Variants in LMX1B observed in about 807,000 individuals in gnomAD.
The protein encoded by LMX1B is LIM homeobox transcription factor 1 beta, also known as LIM homeobox transcription factor 1-beta.
LMX1B carries 12 observed loss-of-function variants against 51.4 expected under a neutral mutation model. The observed-to-expected ratio is 0.23, with a 90% CI of 0.15 to 0.38. The LOEUF is 0.38. Among genes scored for constraint, LMX1B ranks in the 10% least tolerant of loss-of-function variants. The pLI, the probability that LMX1B is intolerant of heterozygous loss-of-function variation, is 1.00. For synonymous variants in LMX1B, 237 were observed against 235.4 expected, an observed-to-expected ratio of 1.01 and a Z score of -0.06; for missense variants, 445 against 571.1, an observed-to-expected ratio of 0.78 and a Z score of 2.25.
chr9:126,641,099 T>C lies in LMX1B; in HGVS notation c.326+25530T>C, dbSNP rs1231257072. On this transcript the variant is annotated intron_variant, in intron 2 of 7. Transcript: ENST00000373474. This position sits in a 1 kb window ranked among gnomAD's most constrained non-coding sequence, Gnocchi z 4.1. ...TTTCTCCACGAGGCACAGAGCTGAG[T>C]AGGCAACCTGGCACGGGGGCATGTG... 6.6e-6 allele frequency: 1 copy of C among 152,188 alleles called. No individual in the cohort carries two copies. Among genetic ancestry groups the C allele is most frequent in the Admixed American group, 6.5e-5 (1 of 15,284 alleles). 9.4% of individuals were successfully genotyped at this position (152,188 alleles called of 1,614,324 possible). A position where few individuals can be genotyped will look rare whatever the true frequency, so the allele number is the denominator to read the frequency against.
intron 2 of LMX1B, among the ~76,000 whole-genome samples, chr9:126,649,997 A>G (rs1835970584): frequency 6.6e-6 from 1 of 152,236 alleles, no homozygotes; most frequent in East Asian, 1.9e-4. Flanking sequence ...CTGCTTGCGA[A>G]GCTTGGCACC....
chr9:126,619,631 C>T (rs1835372090), intron 2 of LMX1B, among the ~76,000 whole-genome samples: 1 of 152,236 alleles, frequency 6.6e-6, no homozygotes, highest in Non-Finnish European at 1.5e-5. Context: ...CCCTCTGGCC[C>T]TTTGGAGGGT....
chr9:126,634,005 C>T (rs1270913733), intron 2 of LMX1B, among the ~76,000 whole-genome samples: 1 of 151,826 alleles, frequency 6.6e-6, no homozygotes, highest in East Asian at 1.9e-4. Flanking sequence ...TTTGATGCCT[C>T]GGGGATACAC....
At chr9:126,630,892 C>T (rs1004555461) in intron 2 of LMX1B, among the ~76,000 whole-genome samples, 1 of 152,258 alleles carries the variant, frequency 6.6e-6, no homozygotes, top group African/African-American at 2.4e-5. Context: ...TTCCTGGCTC[C>T]GGGCTGCCGG....
At chr9:126,617,075 A>G (rs1034799720) in intron 2 of LMX1B, among the ~76,000 whole-genome samples, 3 of 152,332 alleles carry the variant, frequency 2.0e-5, no homozygotes, top group African/African-American at 7.2e-5. Flanking sequence ...ATATGATTCT[A>G]GTTCCGGGAG....
intron 2 of LMX1B, among the ~76,000 whole-genome samples, chr9:126,654,503 C>G (rs1836076916): frequency 2.0e-5 from 3 of 152,214 alleles, no homozygotes; most frequent in South Asian, 4.1e-4. Context: ...GTGGTAGGTA[C>G]CAGGTTGGCC....
At chr9:126,679,782 C>T (rs1836639258) in intron 2 of LMX1B, among the ~76,000 whole-genome samples, 2 of 152,166 alleles carry the variant, frequency 1.3e-5, no homozygotes, top group South Asian at 4.1e-4. Context: ...TTTTCAACTT[C>T]TCCCTCCCAG....
intron 2 of LMX1B, among the ~76,000 whole-genome samples, chr9:126,676,195 T>G (rs1266764250): frequency 6.6e-6 from 1 of 152,196 alleles, no homozygotes; most frequent in Non-Finnish European, 1.5e-5. Flanking sequence ...TTGATTCTCC[T>G]TGTTTCTCAG....
Position 126,695,700 on chromosome 9 carries a change from C to A in LMX1B, c.887-139C>A. The A allele has an allele frequency of 1.1e-6, 1 of 894,574 alleles. No individual in the cohort carries two copies. The highest frequency in any genetic ancestry group is 1.6e-5 in the South Asian group (1 of 61,768). 55.4% of individuals were successfully genotyped at this position (894,574 alleles called of 1,614,324 possible). ...CTGGAGTGTGCACCTGGGGAAGGGG[C>A]TGGGGAGTCAGTGTCTGGACAGCTT... On this transcript the variant is annotated intron_variant, in intron 6 of 7. Transcript: ENST00000373474. The surrounding 1 kb of genome is among the most constrained non-coding windows in gnomAD (Gnocchi z 5.2).
intron 2 of LMX1B, among the ~76,000 whole-genome samples, chr9:126,646,305 C>T (rs1835899000): frequency 6.6e-6 from 1 of 152,080 alleles, no homozygotes; most frequent in Non-Finnish European, 1.5e-5. Context: ...CCTACTCATC[C>T]AGCCACCTAC....
intron 2 of LMX1B, among the ~76,000 whole-genome samples, chr9:126,632,126 G>A (rs1245376910): frequency 6.6e-6 from 1 of 152,182 alleles, no homozygotes; most frequent in East Asian, 1.9e-4. Flanking sequence ...CAAGCAAAAT[G>A]CACGTAAAGA....
Position 126,614,526 on chromosome 9 carries a change from A to G in LMX1B, c.77A>G (p.Asp26Gly). The G allele has an allele frequency of 6.2e-7, 1 of 1,605,834 alleles. No homozygotes were observed. Residue 26 changes from aspartate (D) to glycine (G), a missense_variant, in exon 1 of 8, where the codon GAC becomes GGC. Around this residue, in one of 3 missense-constraint regions of LMX1B, gnomAD observed 273 missense variants for 343.3 expected, o/e 0.80. Coordinates refer to ENST00000373474, the MANE Select transcript of LMX1B (RefSeq NM_001174147.2). The part of the protein sequence containing the change: ...RGQTDCAKML[D>G]GIKMEEHALR... Reference sequence around the variant, plus strand: ...CAGACGGACTGCGCCAAGATGTTGGACGGCATCAAGATGGAGGAGCACGCC... The same window carrying G: ...CAGACGGACTGCGCCAAGATGTTGGGCGGCATCAAGATGGAGGAGCACGCC...
Position 126,677,132 on chromosome 9 carries a change from C to A in LMX1B, c.327-13704C>A, listed in dbSNP as rs553245784. On this transcript the variant is annotated intron_variant, in intron 2 of 7. Coordinates refer to ENST00000373474, the MANE Select transcript of LMX1B (RefSeq NM_001174147.2). This position sits in a 1 kb window ranked among gnomAD's most constrained non-coding sequence, Gnocchi z 5.0. Reference sequence around the variant, plus strand: ...GAAGGCCGAGCCCTGACCTGCCTCGCCTGCCCTTTGCCCGTCCCCAGCCAG... The same window carrying A: ...GAAGGCCGAGCCCTGACCTGCCTCGACTGCCCTTTGCCCGTCCCCAGCCAG... Among the ~76,000 whole-genome samples the A allele has an allele frequency of 6.6e-6, 1 of 152,302 alleles. No individual in the cohort carries two copies. Among genetic ancestry groups the A allele is most frequent in the Non-Finnish European group, 1.5e-5 (1 of 68,016 alleles).
rs1361888793 is a variant in LMX1B at position 126,618,136 on chromosome 9, C to T, written c.326+2567C>T. ...TCAGACAGGAATCCAAGCAAGCGGGCGCAGAAACGTGCCTTCTTGATATTG... is the reference window on the plus strand; with the variant it reads ...TCAGACAGGAATCCAAGCAAGCGGGTGCAGAAACGTGCCTTCTTGATATTG... On this transcript the variant is annotated intron_variant, in intron 2 of 7. Coordinates refer to ENST00000373474, the MANE Select transcript of LMX1B (RefSeq NM_001174147.2). The surrounding 1 kb of genome is among the most constrained non-coding windows in gnomAD (Gnocchi z 4.5). 1.3e-5 allele frequency among the ~76,000 whole-genome samples: 2 copies of T among 152,114 alleles called. No homozygotes were observed. The highest frequency in any genetic ancestry group is 2.1e-4 in the South Asian group (1 of 4,830).
chr9:126,676,407 C>A (rs943623198), intron 2 of LMX1B, among the ~76,000 whole-genome samples: 1 of 152,164 alleles, frequency 6.6e-6, no homozygotes, highest in South Asian at 2.1e-4. Flanking sequence ...CACCCAGCAC[C>A]GCACCTGGCA....
At chr9:126,662,467 G>A (rs960168560) in intron 2 of LMX1B, among the ~76,000 whole-genome samples, 14 of 152,168 alleles carry the variant, frequency 9.2e-5, no homozygotes, top group Non-Finnish European at 2.9e-5. Flanking sequence ...TGAGGGTAGT[G>A]GCAGGGACTG....
At chr9:126,639,621 G>A (rs1035145647) in intron 2 of LMX1B, among the ~76,000 whole-genome samples, 5 of 152,160 alleles carry the variant, frequency 3.3e-5, no homozygotes, top group African/African-American at 7.2e-5. Flanking sequence ...TGTTATTGCC[G>A]CAGCCTGGCC....
intron 2 of LMX1B, among the ~76,000 whole-genome samples, chr9:126,660,819 C>G (rs1836229951): frequency 6.6e-6 from 1 of 152,148 alleles, no homozygotes; most frequent in Non-Finnish European, 1.5e-5. Context: ...TCCAACCAAG[C>G]CAGTTGAAGT....
At position 126,674,831 on chromosome 9, in the gene LMX1B, C is replaced by T. The variant is rs530128691; in HGVS notation, c.327-16005C>T. Among the ~76,000 whole-genome samples, 18 of 152,344 alleles carry T rather than the reference C, an allele frequency of 1.2e-4. No homozygotes were observed. In the South Asian group the frequency reaches 3.7e-3, roughly 32 times the overall value. ...TGCCTCTCACCTGCAGGGCACCAGC[C>T]TGGACCCTCTTAGCGAGTCTCCCCA... On this transcript the variant is annotated intron_variant, in intron 2 of 7. Transcript: ENST00000373474.
Sources: allele counts gnomAD v4.1 joint callset (sites outside exome capture counted in the v4.1 genomes callset), GRCh38; gene constraint gnomAD v4.1.1; regional missense constraint gnomAD v4.1.1; non-coding constraint Gnocchi (gnomAD v3.1); transcripts MANE v1.5; gene names NCBI Gene and HGNC (gene_info 2026-07-23, HGNC 2026-07-21).